SLC23A2: variants seen among roughly 807,000 people sequenced by gnomAD.
SLC23A2 encodes the protein solute carrier family 23 member 2.
In SLC23A2, 36 loss-of-function variants were observed where a neutral mutation model predicts 73.3. The ratio of observed to expected loss-of-function variants is 0.49; its 90% CI spans 0.38 to 0.65. The LOEUF is 0.65. SLC23A2 is among the 30% of genes least tolerant of loss of function. The pLI is 0.00. For missense variants in SLC23A2, 507 were observed against 841.6 expected, an observed-to-expected ratio of 0.60 and a Z score of 4.92; for synonymous variants, 343 against 327.3, an observed-to-expected ratio of 1.05 and a Z score of -0.52.
chr20:4,943,090 C>A lies in SLC23A2; in HGVS notation c.-154-10374G>T, dbSNP rs139332660. 3.6e-4 allele frequency among the ~76,000 whole-genome samples: 48 copies of A among 132,218 alleles called. No homozygotes were observed. In the East Asian group the frequency reaches 9.8e-3, roughly 27 times the overall value. The allele number at this position is 132,218 out of a possible 152,430, so 86.7% of individuals were successfully genotyped here. Reference sequence around the variant, plus strand: ...AAAATTCATCTTTATATTCCCAGCTCCTAGTACAGAATAGACAGATGCTCT... The same window carrying A: ...AAAATTCATCTTTATATTCCCAGCTACTAGTACAGAATAGACAGATGCTCT... On this transcript the variant is annotated intron_variant, in intron 2 of 16. Coordinates refer to ENST00000338244, the MANE Select transcript of SLC23A2 (RefSeq NM_005116.6).
intron 1 of SLC23A2, among the ~76,000 whole-genome samples, chr20:4,973,595 T>C (rs998310762): frequency 2.6e-5 from 4 of 152,194 alleles, no homozygotes; most frequent in Non-Finnish European, 5.9e-5. Flanking sequence ...GGAATCACGA[T>C]ACAAACAAAA....
intron 9 of SLC23A2, among the ~76,000 whole-genome samples, chr20:4,879,518 A>G (rs1465514060): frequency 6.6e-6 from 1 of 151,880 alleles, no homozygotes; most frequent in Non-Finnish European, 1.5e-5. Context: ...GACTATTACC[A>G]TAGTTTTATC....
chr20:4,935,056 G>A (rs1444016975), intron 2 of SLC23A2, among the ~76,000 whole-genome samples: 2 of 150,996 alleles, frequency 1.3e-5, no homozygotes, highest in South Asian at 2.1e-4. Context: ...GCGTGGTGGC[G>A]GGCACCTGTA....
chr20:4,994,864 G>A (rs904018413), intron 1 of SLC23A2, among the ~76,000 whole-genome samples: 4 of 152,196 alleles, frequency 2.6e-5, no homozygotes, highest in Middle Eastern at 3.4e-3. Flanking sequence ...AACCTAGGAG[G>A]TGGAGGTTGC....
chr20:4,885,946 C>A, intron 6 of SLC23A2, 37 bp from the exon 7 acceptor site: 1 of 1,384,856 alleles, frequency 7.2e-7, no homozygotes, highest in South Asian at 1.2e-5. Context: ...ATCACGGCAT[C>A]GGGAACTACC....
chr20:4,996,715 A>G (rs539825028), intron 1 of SLC23A2, among the ~76,000 whole-genome samples: 17 of 143,158 alleles, frequency 1.2e-4, no homozygotes, highest in African/African-American at 3.8e-4. Context: ...AAAAACAACA[A>G]CTCATGAGTG....
At chr20:4,981,850 T>C (rs1373531903) in intron 1 of SLC23A2, among the ~76,000 whole-genome samples, 2 of 152,020 alleles carry the variant, frequency 1.3e-5, no homozygotes, top group African/African-American at 4.8e-5. Context: ...CAGAGGTGCA[T>C]GCCACCATGC....
chr20:4,964,435 T>G (rs983700844), intron 2 of SLC23A2, among the ~76,000 whole-genome samples: 1 of 152,180 alleles, frequency 6.6e-6, no homozygotes, highest in Non-Finnish European at 1.5e-5. Flanking sequence ...ATTTTGTGAG[T>G]GTTCATTAAA....
chr20:4,949,497 C>T (rs980525861), intron 2 of SLC23A2, among the ~76,000 whole-genome samples: 4 of 152,008 alleles, frequency 2.6e-5, no homozygotes, highest in East Asian at 1.9e-4. Flanking sequence ...TACCTAAGGG[C>T]GGTGCCTTCT....
rs556746044 is a variant in SLC23A2 at position 4,855,187 on chromosome 20, T to C, written c.*1785A>G. ...GAGGTGTTCTTGCCAGAATAAACCT[T>C]GAAGCCCCAAACTTCCAAGAGTGAA... On this transcript the variant is annotated 3_prime_UTR_variant, in exon 17 of 17. Coordinates refer to ENST00000338244, the MANE Select transcript of SLC23A2 (RefSeq NM_005116.6). 4 of 152,628 alleles carry C rather than the reference T, an allele frequency of 2.6e-5. No individual in the cohort carries two copies. Among genetic ancestry groups the C allele is most frequent in the Admixed American group, 2.6e-4 (4 of 15,308 alleles). The allele number at this position is 152,628 out of a possible 1,614,324, so 9.5% of individuals were successfully genotyped here.
At chr20:4,927,538 C>T (rs1932715568) in intron 3 of SLC23A2, among the ~76,000 whole-genome samples, 1 of 152,184 alleles carries the variant, frequency 6.6e-6, no homozygotes, top group African/African-American at 2.4e-5. Flanking sequence ...AAGTCCCACA[C>T]CCCCACTGCC....
At chr20:4,986,657 C>CATACAT (rs2087833831) in intron 1 of SLC23A2, among the ~76,000 whole-genome samples, 4 of 119,300 alleles carry the variant, frequency 3.4e-5, no homozygotes, top group Non-Finnish European at 7.3e-5. Flanking sequence ...CATACACACA[C>CATACAT]ACACACACAC....
intron 4 of SLC23A2, among the ~76,000 whole-genome samples, chr20:4,909,527 T>C (rs1932070117): frequency 6.6e-6 from 1 of 152,126 alleles, no homozygotes; most frequent in Non-Finnish European, 1.5e-5. Context: ...AAAGATAGCT[T>C]AAAGAGAATC....
At chr20:4,877,662 T>A (rs1930711658) in intron 9 of SLC23A2, among the ~76,000 whole-genome samples, 1 of 152,146 alleles carries the variant, frequency 6.6e-6, no homozygotes, top group African/African-American at 2.4e-5. Flanking sequence ...TACCTAGAAT[T>A]TAACTGAATT....
At chr20:5,002,493 G>A (rs545996307), upstream of SLC23A2, among the ~76,000 whole-genome samples, 1 of 152,242 alleles carries the variant, frequency 6.6e-6, no homozygotes, top group East Asian at 1.9e-4. Context: ...CTAGTTCCCG[G>A]GCAACTCTTG....
At chr20:4,967,065 G>A (rs1281508824) in intron 2 of SLC23A2, among the ~76,000 whole-genome samples, 1 of 152,154 alleles carries the variant, frequency 6.6e-6, no homozygotes, top group African/African-American at 2.4e-5. Flanking sequence ...CAAGATGAAA[G>A]GTCAGAAGGG....
intron 1 of SLC23A2, among the ~76,000 whole-genome samples, chr20:4,999,224 C>T (rs1025811684): frequency 1.3e-5 from 2 of 152,172 alleles, no homozygotes; most frequent in Non-Finnish European, 2.9e-5. Context: ...CTGAAGAGGA[C>T]AACAATAGCC....
Position 4,899,696 on chromosome 20 carries a change from A to T in SLC23A2, c.341T>A (p.Phe114Tyr). 7 of 1,614,148 alleles carry T rather than the reference A, an allele frequency of 4.3e-6. No individual in the cohort carries two copies. Among genetic ancestry groups the T allele is most frequent in the Non-Finnish European group, 5.9e-6 (7 of 1,180,002 alleles). Residue 114 changes from phenylalanine to tyrosine, a missense_variant, in exon 6 of 17, where the codon TTC becomes TAC. Physicochemically the swap from Phe to Tyr is conservative, Grantham distance 22 (BLOSUM62 3). Coordinates refer to ENST00000338244, the MANE Select transcript of SLC23A2 (RefSeq NM_005116.6). This position sits in a 1 kb window ranked among gnomAD's most constrained non-coding sequence, Gnocchi z 4.9. ...FLGLQHYLTC[F>Y]SGTIAVPFLL... ...GAAGGGCACTGCGATCGTGCCGCTG[A>T]AGCATGTCAGGTAGTGCTGTGGGCA...
chr20:4,965,816 A>G (rs984702540), intron 2 of SLC23A2, among the ~76,000 whole-genome samples: 1 of 152,092 alleles, frequency 6.6e-6, no homozygotes, highest in Non-Finnish European at 1.5e-5. Context: ...AGAATACAAA[A>G]ATTAGCTGAG....
Sources: gnomAD v4.1 joint callset for allele counts (sites outside exome capture counted in the v4.1 genomes callset) on GRCh38, gnomAD v4.1.1 for gene constraint, Gnocchi (gnomAD v3.1) non-coding constraint, MANE v1.5 for transcripts, NCBI Gene and HGNC (gene_info 2026-07-23, HGNC 2026-07-21) for gene names.